The following MIS18A variants were observed in gnomAD, a reference collection of about 807,000 sequenced individuals.
MIS18A encodes the protein MIS18 kinetochore protein A.
A neutral mutation model predicts 25.0 loss-of-function variants in MIS18A; 14 were observed. The ratio of observed to expected loss-of-function variants is 0.56; its 90% CI spans 0.37 to 0.88. MIS18A has a LOEUF of 0.88. MIS18A is among the 40% of genes least tolerant of loss of function. The pLI is 0.00. For missense variants in MIS18A, 292 were observed against 290.8 expected, an observed-to-expected ratio of 1.00 and a Z score of -0.03; for synonymous variants, 134 against 118.6, an observed-to-expected ratio of 1.13 and a Z score of -0.84.
intron 1 of MIS18A, among the ~76,000 whole-genome samples, chr21:32,276,983 T>C (rs1202161264): frequency 6.6e-6 from 1 of 152,120 alleles, no homozygotes; most frequent in Non-Finnish European, 1.5e-5. Context: ...TTTTAAAAAA[T>C]CATAGTTAGG....
At chr21:32,253,532 A>C in the MIS18A span, among the ~76,000 whole-genome samples, 1 of 152,146 alleles carries the variant, frequency 6.6e-6, no homozygotes, top group African/African-American at 2.4e-5. Context: ...GGGGCTGGAC[A>C]GCATCATGCC....
the MIS18A span, among the ~76,000 whole-genome samples, chr21:32,175,768 C>T: frequency 2.6e-5 from 4 of 151,868 alleles, no homozygotes; most frequent in African/African-American, 7.3e-5. Flanking sequence ...CAAGATCACA[C>T]CATTGCACTC....
At chr21:32,199,328 G>A in the MIS18A span, among the ~76,000 whole-genome samples, 1 of 152,076 alleles carries the variant, frequency 6.6e-6, no homozygotes, top group South Asian at 2.1e-4. Flanking sequence ...AACTGGAGTG[G>A]GAGTTGGGGC....
the MIS18A span, among the ~76,000 whole-genome samples, chr21:32,242,810 G>T: frequency 7.7e-4 from 117 of 152,290 alleles, 1 homozygote; most frequent in Non-Finnish European, 1.4e-3. Flanking sequence ...CTCAGACATG[G>T]TGGGGCCATG....
chr21:32,269,823 T>A lies in MIS18A; in HGVS notation c.525-20A>T. 6.9e-7 allele frequency: 1 copy of A among 1,439,922 alleles called. No homozygotes were observed. Among genetic ancestry groups the A allele is most frequent in the Non-Finnish European group, 9.8e-7 (1 of 1,022,360 alleles). The allele number at this position is 1,439,922 out of a possible 1,614,324, so 89.2% of individuals were successfully genotyped here. The stretch of plus-strand genomic sequence containing the variant: ...ACATAACTGAAGTACGGTACAAGGT[T>A]AAAATACAAGCTGGGTGTGGTGGCA... On this transcript the variant is annotated intron_variant, in intron 3 of 4. Transcript: ENST00000290130.
chr21:32,161,851 T>C, the MIS18A span, among the ~76,000 whole-genome samples: 85 of 151,756 alleles, frequency 5.6e-4, 1 homozygote, highest in African/African-American at 2.0e-3. Flanking sequence ...GAAAATACAT[T>C]CAGAAAGTTT....
chr21:32,270,666 G>A, intron 2 of MIS18A, 137 bp from the exon 3 acceptor site: 1 of 862,148 alleles, frequency 1.2e-6, no homozygotes. Flanking sequence ...ATAAAGGATA[G>A]GAAAAAATGA....
the MIS18A span, among the ~76,000 whole-genome samples, chr21:32,166,694 A>G: frequency 1.3e-4 from 20 of 152,212 alleles, no homozygotes; most frequent in Non-Finnish European, 2.6e-4. Flanking sequence ...TTAAATAAAT[A>G]TGTAAATAAG....
chr21:32,155,822 G>C, the MIS18A span, among the ~76,000 whole-genome samples: 1 of 152,050 alleles, frequency 6.6e-6, no homozygotes, highest in African/African-American at 2.4e-5. Context: ...CTGATGATTT[G>C]CATAAAATGC....
the MIS18A span, among the ~76,000 whole-genome samples, chr21:32,189,021 G>A: frequency 4.6e-5 from 7 of 152,194 alleles, no homozygotes; most frequent in African/African-American, 7.2e-5. Context: ...CTGTGGTTGG[G>A]CTGTCTATAG....
the MIS18A span, among the ~76,000 whole-genome samples, chr21:32,182,112 A>G: frequency 6.6e-6 from 1 of 152,218 alleles, no homozygotes; most frequent in Non-Finnish European, 1.5e-5. Flanking sequence ...ATAGCCTATG[A>G]CCAGCTTCCT....
chr21:32,193,174 G>C, the MIS18A span, among the ~76,000 whole-genome samples: 5 of 152,130 alleles, frequency 3.3e-5, no homozygotes, highest in Non-Finnish European at 7.3e-5. Context: ...GACAGGCAGC[G>C]CAGCAAGAGG....
intron 1 of MIS18A, among the ~76,000 whole-genome samples, chr21:32,277,243 C>T (rs577671091): frequency 2.0e-5 from 3 of 152,146 alleles, no homozygotes; most frequent in African/African-American, 2.4e-5. Flanking sequence ...AATTTAAAAG[C>T]TATTGTTATA....
intron 2 of MIS18A, among the ~76,000 whole-genome samples, chr21:32,272,077 G>A (rs977253261): frequency 2.0e-5 from 3 of 152,188 alleles, no homozygotes; most frequent in Non-Finnish European, 4.4e-5. Context: ...TGAAGAGATG[G>A]TAGCTAGTAT....
the MIS18A span, among the ~76,000 whole-genome samples, chr21:32,168,118 T>C: frequency 3.1e-3 from 478 of 152,236 alleles, 3 homozygotes; most frequent in African/African-American, 0.011. Flanking sequence ...GATCAATCTC[T>C]CTCTACCACA....
the MIS18A span, among the ~76,000 whole-genome samples, chr21:32,155,931 AC>A: frequency 6.9e-6 from 1 of 144,396 alleles, no homozygotes. Flanking sequence ...TGGTAAAATA[AC>A]CAGTGTCACC....
the MIS18A span, among the ~76,000 whole-genome samples, chr21:32,239,881 G>A: frequency 3.9e-5 from 6 of 152,322 alleles, no homozygotes; most frequent in African/African-American, 1.4e-4. Context: ...AAAATCTTTG[G>A]TGGTTTCAAA....
At chr21:32,264,405 A>T (rs528347674), downstream of MIS18A, among the ~76,000 whole-genome samples, 4 of 152,350 alleles carry the variant, frequency 2.6e-5, no homozygotes, top group South Asian at 8.3e-4. Flanking sequence ...TTATGTATAG[A>T]CTGGCTACAA....
chr21:32,181,464 G>C, the MIS18A span, among the ~76,000 whole-genome samples: 14 of 152,260 alleles, frequency 9.2e-5, no homozygotes, highest in East Asian at 2.7e-3. Context: ...GGGGAATAAT[G>C]ACTCTATCTT....
Sources: gnomAD v4.1 joint callset for allele counts (sites outside exome capture counted in the v4.1 genomes callset) on GRCh38, gnomAD v4.1.1 for gene constraint, MANE v1.5 for transcripts, NCBI Gene and HGNC (gene_info 2026-07-23, HGNC 2026-07-21) for gene names.